The following BMERB1 variants were observed in gnomAD, a reference collection of about 807,000 sequenced individuals.
BMERB1 encodes bMERB domain containing 1.
In BMERB1, 12 loss-of-function variants were observed where a neutral mutation model predicts 23.6. That is an observed-to-expected ratio of 0.51 (90% CI 0.33 to 0.82). BMERB1 has a LOEUF of 0.82. BMERB1 is among the 40% of genes least tolerant of loss of function. The probability of loss-of-function intolerance (pLI) is 0.03; values close to 1 mark genes in which losing one functional copy is unlikely to be tolerated. For synonymous variants in BMERB1, 122 were observed against 96.6 expected (o/e 1.26, Z -1.54); for missense variants, 247 against 255.4 (o/e 0.97, Z 0.22).
intron 1 of BMERB1, among the ~76,000 whole-genome samples, chr16:15,457,468 A>G (rs985704039): frequency 6.6e-6 from 1 of 152,154 alleles, no homozygotes; most frequent in African/African-American, 2.4e-5. Context: ...GTCATTTTCT[A>G]CAATGCGAAT....
intron 2 of BMERB1, among the ~76,000 whole-genome samples, chr16:15,542,601 A>G (rs1251206222): frequency 6.9e-6 from 1 of 143,910 alleles, no homozygotes; most frequent in African/African-American, 2.6e-5. Flanking sequence ...TATTAACCAC[A>G]CTAGTGGCTT....
At chr16:15,584,568 A>AAAAG (rs1555515807) in intron 5 of BMERB1, among the ~76,000 whole-genome samples, 1 of 151,716 alleles carries the variant, frequency 6.6e-6, no homozygotes, top group African/African-American at 2.4e-5. Flanking sequence ...AAAAAAAAAA[A>AAAAG]AAAGAAAGAA....
intron 1 of BMERB1, among the ~76,000 whole-genome samples, chr16:15,437,480 C>G (rs1252089466): frequency 6.6e-6 from 1 of 152,180 alleles, no homozygotes; most frequent in Non-Finnish European, 1.5e-5. Context: ...CCTGCTTTTA[C>G]TCTTTGCAAG....
chr16:15,561,856 G>C (rs1023600534), intron 2 of BMERB1, among the ~76,000 whole-genome samples: 1 of 152,148 alleles, frequency 6.6e-6, no homozygotes, highest in South Asian at 2.1e-4. Flanking sequence ...TTGCACTGCT[G>C]AACTCCAGCC....
intron 3 of BMERB1, among the ~76,000 whole-genome samples, chr16:15,573,360 G>A (rs563179684): frequency 6.6e-6 from 1 of 152,304 alleles, no homozygotes; most frequent in East Asian, 1.9e-4. Flanking sequence ...GGAGACTGGA[G>A]TTTTATTATT....
intron 3 of BMERB1, among the ~76,000 whole-genome samples, chr16:15,569,750 A>G (rs1182240871): frequency 6.6e-6 from 1 of 152,146 alleles, no homozygotes; most frequent in Non-Finnish European, 1.5e-5. Context: ...GATATCTCAA[A>G]AGGCTGATCT....
At chr16:15,548,140 A>G (rs968565094) in intron 2 of BMERB1, among the ~76,000 whole-genome samples, 1 of 151,970 alleles carries the variant, frequency 6.6e-6, no homozygotes, top group African/African-American at 2.4e-5. Context: ...GTGCACCACC[A>G]TGCCTGGCTA....
intron 2 of BMERB1, among the ~76,000 whole-genome samples, chr16:15,526,954 CATATTTTATT>C (rs1184268597): frequency 2.7e-5 from 4 of 146,714 alleles, no homozygotes; most frequent in Admixed American, 6.9e-5. Context: ...TATAATAAAT[CATATTTTATT>C]ATATTTTATT....
At chr16:15,441,823 G>A (rs1196709122) in intron 1 of BMERB1, among the ~76,000 whole-genome samples, 2 of 152,092 alleles carry the variant, frequency 1.3e-5, no homozygotes, top group Admixed American at 6.6e-5. Flanking sequence ...CGCCCAGCCT[G>A]GTTTTTGTTT....
intron 2 of BMERB1, among the ~76,000 whole-genome samples, chr16:15,550,879 A>G (rs1011440580): frequency 2.0e-5 from 3 of 152,170 alleles, no homozygotes; most frequent in African/African-American, 7.2e-5. Context: ...CACCCTACAG[A>G]TGATGAGGAT....
At chr16:15,502,381 G>A in intron 1 of BMERB1, 1 of 1,549,674 alleles carries the variant, frequency 6.5e-7, no homozygotes, top group Non-Finnish European at 8.7e-7. Context: ...AGAAAGGTAT[G>A]ATCGCTCTTG....
At position 15,434,810 on chromosome 16, in the gene BMERB1, C is replaced by T. The variant is rs562489807; in HGVS notation, c.106+51C>T. 9.7e-5 allele frequency: 137 copies of T among 1,410,094 alleles called. 3 individuals are homozygous for T. In the South Asian group the frequency reaches 1.8e-3, roughly 19 times the overall value. The allele number at this position is 1,410,094 out of a possible 1,614,324, so 87.3% of individuals were successfully genotyped here. ...GGCCGGGGACAGCTGGGGATCCATG[C>T]GCCTGCGCGGGTGGTCGCGGGAGCG... On this transcript the variant is annotated intron_variant, in intron 1 of 5. Coordinates refer to ENST00000300006, the MANE Select transcript of BMERB1 (RefSeq NM_033201.3).
Position 15,534,286 on chromosome 16 carries a change from CAAAAA to C in BMERB1, c.230+18883_230+18887del, listed in dbSNP as rs1168488547. On this transcript the variant is annotated intron_variant, in intron 2 of 5. Coordinates refer to ENST00000300006, the MANE Select transcript of BMERB1 (RefSeq NM_033201.3). The stretch of plus-strand genomic sequence containing the variant: ...AAGACCTTGATTTTTTTTTTAATTG[CAAAAA>C]AAAAAAAAAAAAAAAAAAAAAAAAG... 2.9e-3 allele frequency among the ~76,000 whole-genome samples: 122 copies of C among 41,944 alleles called. 1 individual carries two copies. Among genetic ancestry groups the C allele is most frequent in the East Asian group, 6.6e-3 (3 of 458 alleles). The allele number at this position is 41,944 out of a possible 152,430, so 27.5% of individuals were successfully genotyped here.
chr16:15,479,067 G>T (rs2150934522), intron 1 of BMERB1, among the ~76,000 whole-genome samples: 1 of 152,280 alleles, frequency 6.6e-6, no homozygotes, highest in Middle Eastern at 3.4e-3. Context: ...TTGGGTATTT[G>T]TCAGACATTC....
At chr16:15,579,875 C>G (rs2030963955) in intron 3 of BMERB1, among the ~76,000 whole-genome samples, 1 of 152,182 alleles carries the variant, frequency 6.6e-6, no homozygotes. Flanking sequence ...ACTGAAGGCT[C>G]TCAGCCAAGG....
Position 15,585,047 on chromosome 16 carries a change from G to T in BMERB1, c.503-1670G>T, listed in dbSNP as rs750680124. The stretch of plus-strand genomic sequence containing the variant: ...AAGACAAAAACCAAAAGCTGCCACT[G>T]TCTATAAAACTACAAACCCAGTTTT... On this transcript the variant is annotated intron_variant, in intron 5 of 5. Coordinates refer to ENST00000300006, the MANE Select transcript of BMERB1 (RefSeq NM_033201.3). Among the ~76,000 whole-genome samples the T allele has an allele frequency of 5.3e-5, 8 of 152,322 alleles. No individual in the cohort carries two copies. The South Asian group carries it at 1.4e-3, about 28-fold the overall frequency.
intron 3 of BMERB1, among the ~76,000 whole-genome samples, chr16:15,580,682 G>A (rs2030985189): frequency 6.6e-6 from 1 of 151,022 alleles, no homozygotes. Flanking sequence ...CGAGTAGCTG[G>A]GACTACAGGC....
intron 2 of BMERB1, among the ~76,000 whole-genome samples, chr16:15,522,648 G>A (rs991242386): frequency 1.3e-5 from 2 of 152,194 alleles, no homozygotes; most frequent in Non-Finnish European, 2.9e-5. Context: ...TGGTTGTACA[G>A]TTTCCATGAA....
At chr16:15,503,016 A>G (rs2051546644) in intron 1 of BMERB1, among the ~76,000 whole-genome samples, 1 of 152,200 alleles carries the variant, frequency 6.6e-6, no homozygotes, top group South Asian at 2.1e-4. Flanking sequence ...CACCAAGCAC[A>G]TGTTGTATAC....
Sources: gnomAD v4.1 joint callset for allele counts (sites outside exome capture counted in the v4.1 genomes callset) on GRCh38, gnomAD v4.1.1 for gene constraint, MANE v1.5 for transcripts, NCBI Gene and HGNC (gene_info 2026-07-23, HGNC 2026-07-21) for gene names.